COL25A1: variants seen among roughly 807,000 people sequenced by gnomAD.
COL25A1 encodes collagen type XXV alpha 1 chain, also known as collagen alpha-1(XXV) chain.
Under a neutral mutation model 128.4 loss-of-function variants are expected in COL25A1, and 103 were observed. That is an observed-to-expected ratio of 0.80 (90% CI 0.68 to 0.94). COL25A1 has a LOEUF of 0.94. Ranked by LOEUF, COL25A1 falls within the 40% of genes least tolerant of loss-of-function variation. The pLI, the probability that COL25A1 is intolerant of heterozygous loss-of-function variation, is 0.00. For missense variants in COL25A1, 745 were observed against 840.0 expected, an observed-to-expected ratio of 0.89 and a Z score of 1.40; for synonymous variants, 279 against 277.2, an observed-to-expected ratio of 1.01 and a Z score of -0.06.
intron 2 of COL25A1, among the ~76,000 whole-genome samples, 174 bp downstream of exon 2, chr4:109,301,549 G>A (rs1725527902): frequency 6.6e-6 from 1 of 152,190 alleles, no homozygotes; most frequent in Non-Finnish European, 1.5e-5. Context: ...CAAGGGATGT[G>A]CACATATAAA....
rs185845681 is a variant in COL25A1, at chr4:108,907,413, G to A, written c.781-6241C>T. Among the ~76,000 whole-genome samples, 315 of 152,288 alleles carry A rather than the reference G, an allele frequency of 2.1e-3. 2 individuals carry two copies. The highest frequency in any genetic ancestry group is 7.4e-3 in the African/African-American group (309 of 41,554). On this transcript the variant is annotated intron_variant, in intron 13 of 37. Transcript: ENST00000399132. The stretch of plus-strand genomic sequence containing the variant: ...ACCCCCAGTGCCTCAGGTGAGGGGC[G>A]AGAAGTAGCTGGGACGATGCTGGTT...
intron 5 of COL25A1, among the ~76,000 whole-genome samples, chr4:109,028,726 A>G (rs921814447): frequency 6.6e-6 from 1 of 151,732 alleles, no homozygotes; most frequent in Non-Finnish European, 1.5e-5. Flanking sequence ...CTCCATCTCA[A>G]AAAAAAGAAA....
intron 3 of COL25A1, among the ~76,000 whole-genome samples, chr4:109,202,381 TG>T: frequency 6.6e-6 from 1 of 151,696 alleles, no homozygotes; most frequent in South Asian, 2.1e-4. Flanking sequence ...CAAATAGTGC[TG>T]GCATGACTGG....
chr4:109,137,413 C>A (rs1025546182), intron 3 of COL25A1, among the ~76,000 whole-genome samples: 2 of 152,098 alleles, frequency 1.3e-5, no homozygotes, highest in Non-Finnish European at 2.9e-5. Flanking sequence ...ATTAATCAGT[C>A]AACAATCAAT....
intron 16 of COL25A1, among the ~76,000 whole-genome samples, chr4:108,890,542 G>T (rs1385162644): frequency 6.6e-6 from 1 of 152,174 alleles, no homozygotes; most frequent in African/African-American, 2.4e-5. Flanking sequence ...GGGTAGCTGG[G>T]AATGTTGCTT....
chr4:109,268,789 C>A (rs889187616), intron 3 of COL25A1, among the ~76,000 whole-genome samples: 10 of 152,124 alleles, frequency 6.6e-5, no homozygotes, highest in Non-Finnish European at 1.5e-4. Context: ...AACAGAAGAA[C>A]AAGCTGCCTA....
chr4:109,001,374 G>GGCATCTGAGATCCTGTCAGGTAT (rs1755361057), intron 6 of COL25A1, among the ~76,000 whole-genome samples: 4 of 152,186 alleles, frequency 2.6e-5, no homozygotes, highest in Admixed American at 6.5e-5. Context: ...AAAAGAAACA[G>GGCATCTGAGATCCTGTCAGGTAT]GCATCTGAGA....
At position 109,290,477 on chromosome 4, in the gene COL25A1, T is replaced by C. The variant is rs190710760; in HGVS notation, c.367+10106A>G. ...GGAAGGAATTTCTCAATGCTAGAGGTTTGGGGTTTTTCAAATTAAAAACTT... is the reference window on the plus strand; with the variant it reads ...GGAAGGAATTTCTCAATGCTAGAGGCTTGGGGTTTTTCAAATTAAAAACTT... On this transcript the variant is annotated intron_variant, in intron 3 of 37. Coordinates refer to ENST00000399132, the MANE Select transcript of COL25A1 (RefSeq NM_198721.4). Among the ~76,000 whole-genome samples, 437 of 152,046 alleles carry C rather than the reference T, an allele frequency of 2.9e-3. 3 individuals carry two copies. The highest frequency in any genetic ancestry group is 9.8e-3 in the African/African-American group (407 of 41,490).
In COL25A1 at chr4:109,222,314, G is replaced by A. The variant is rs142386715; in HGVS notation, c.367+78269C>T. ...CCTGACCTCGTGATCCGCCCGCCTC[G>A]GCCTCCCAAAGTGCTGGGATTACAG... is the stretch of plus-strand genomic sequence containing the variant. On this transcript the variant is annotated intron_variant, in intron 3 of 37. Transcript: ENST00000399132. 7.0e-3 allele frequency among the ~76,000 whole-genome samples: 1,056 copies of A among 151,852 alleles called. 11 individuals carry two copies. Among genetic ancestry groups the A allele is most frequent in the Middle Eastern group, 0.02 (6 of 294 alleles).
At chr4:108,921,814 A>C (rs1745524243) in intron 11 of COL25A1, among the ~76,000 whole-genome samples, 1 of 152,082 alleles carries the variant, frequency 6.6e-6, no homozygotes, top group Non-Finnish European at 1.5e-5. Flanking sequence ...AATTTACTCA[A>C]CCAACTGTTT....
chr4:108,969,271 C>G (rs1751653535), intron 8 of COL25A1, among the ~76,000 whole-genome samples: 1 of 152,182 alleles, frequency 6.6e-6, no homozygotes, highest in South Asian at 2.1e-4. Flanking sequence ...GCCAATGAGA[C>G]ATGACCAGAA....
chr4:108,996,685 A>T (rs1754808495), intron 6 of COL25A1, among the ~76,000 whole-genome samples: 2 of 152,202 alleles, frequency 1.3e-5, no homozygotes, highest in Non-Finnish European at 2.9e-5. Flanking sequence ...TCTTCTCAGC[A>T]CCACATCGTA....
At chr4:109,293,290 A>G (rs1187785497) in intron 3 of COL25A1, among the ~76,000 whole-genome samples, 1 of 152,056 alleles carries the variant, frequency 6.6e-6, no homozygotes, top group African/African-American at 2.4e-5. Context: ...TAAAATATCA[A>G]GCTTTCTAAG....
intron 6 of COL25A1, among the ~76,000 whole-genome samples, chr4:108,997,398 C>T (rs1386952615): frequency 1.3e-5 from 2 of 152,164 alleles, no homozygotes; most frequent in African/African-American, 4.8e-5. Flanking sequence ...TTCCTGGATA[C>T]TTACAACCTC....
At chr4:109,217,842 G>T (rs1249557674) in intron 3 of COL25A1, among the ~76,000 whole-genome samples, 1 of 152,120 alleles carries the variant, frequency 6.6e-6, no homozygotes, top group Non-Finnish European at 1.5e-5. Context: ...GAAAAAGTTT[G>T]TACATGTTCA....
At chr4:108,940,751 T>C (rs1448201986) in intron 9 of COL25A1, 105 bp from the exon 10 acceptor site, 2 of 714,672 alleles carry the variant, frequency 2.8e-6, no homozygotes, top group East Asian at 3.0e-5. Context: ...ATTTACACTA[T>C]GAAAAGAACC....
chr4:109,093,465 A>AAAACAACAAC lies in COL25A1; in HGVS notation c.368-43287_368-43286insGTTGTTGTTT, dbSNP rs1441313903. 1.4e-3 allele frequency among the ~76,000 whole-genome samples: 187 copies of AAAACAACAAC among 133,858 alleles called. 3 individuals carry two copies. The highest frequency in any genetic ancestry group is 4.9e-3 in the African/African-American group (176 of 35,656). The allele number at this position is 133,858 out of a possible 152,430, so 87.8% of individuals were successfully genotyped here. ...CAAGACTCCATCTCTATGAAAAAAA[A>AAAACAACAAC]AAAAAAAAAAACCTTTTTTAAATTA... On this transcript the variant is annotated intron_variant, in intron 3 of 37. Coordinates refer to ENST00000399132, the MANE Select transcript of COL25A1 (RefSeq NM_198721.4).
At chr4:109,002,137 G>A (rs531403114) in intron 6 of COL25A1, among the ~76,000 whole-genome samples, 1 of 152,304 alleles carries the variant, frequency 6.6e-6, no homozygotes, top group African/African-American at 2.4e-5. Context: ...AACCATCATG[G>A]AGAATTGTAT....
At chr4:109,122,207 A>G (rs1768165167) in intron 3 of COL25A1, among the ~76,000 whole-genome samples, 1 of 152,110 alleles carries the variant, frequency 6.6e-6, no homozygotes, top group Non-Finnish European at 1.5e-5. Flanking sequence ...GCTACCTGAC[A>G]TTATACATTT....
Sources: allele counts gnomAD v4.1 joint callset (sites outside exome capture counted in the v4.1 genomes callset), GRCh38; gene constraint gnomAD v4.1.1; transcripts MANE v1.5; gene names NCBI Gene and HGNC (gene_info 2026-07-23, HGNC 2026-07-21).